The following KSR1 variants were observed in gnomAD, a reference collection of about 807,000 sequenced individuals.
KSR1 encodes the protein kinase suppressor of ras.
Under a neutral mutation model 92.9 loss-of-function variants are expected in KSR1, and 35 were observed. The observed-to-expected ratio is 0.38, with a 90% CI of 0.29 to 0.50. KSR1 has a LOEUF of 0.50. Among genes scored for constraint, KSR1 ranks in the 20% least tolerant of loss-of-function variants. The pLI, the probability that KSR1 is intolerant of heterozygous loss-of-function variation, is 0.94. For missense variants in KSR1, 972 were observed against 1,158.5 expected (o/e 0.84, Z 2.34); for synonymous variants, 467 against 472.6 (o/e 0.99, Z 0.15).
intron 2 of KSR1, among the ~76,000 whole-genome samples, chr17:27,571,587 G>A (rs1198785663): frequency 6.6e-6 from 1 of 152,200 alleles, no homozygotes; most frequent in Non-Finnish European, 1.5e-5. Flanking sequence ...ACCAGTTCCT[G>A]GGGAAAGGTC....
chr17:27,583,099 C>A lies in KSR1; in HGVS notation c.974C>A (p.Ser325Ter). The A allele has an allele frequency of 6.5e-7, 1 of 1,550,090 alleles. No homozygotes were observed. Among genetic ancestry groups the A allele is most frequent in the South Asian group, 1.2e-5 (1 of 80,746 alleles). Residue 325 changes from serine to a stop codon, truncating the protein, a stop_gained, in exon 4 of 21, where the codon TCG (serine) becomes TAG (stop). Transcript: ENST00000644974. LOFTEE classifies it high-confidence loss of function. The part of the protein sequence containing the change: ...QLGNRIDDVS[S>*]MRFDLSHGSP... ...GGGAACCGCATTGATGACGTCTCCT[C>A]GATGAGGTGAGTGCTCCTTCTGGGC...
At chr17:27,615,153 G>T (rs545268673) in intron 18 of KSR1, among the ~76,000 whole-genome samples, 1 of 152,324 alleles carries the variant, frequency 6.6e-6, no homozygotes, top group East Asian at 1.9e-4. Flanking sequence ...GGCATCACCT[G>T]GGTCTATCAG....
chr17:27,500,849 G>A (rs1295572473), intron 1 of KSR1, among the ~76,000 whole-genome samples: 1 of 152,194 alleles, frequency 6.6e-6, no homozygotes, highest in African/African-American at 2.4e-5. Context: ...GACTCTGCCA[G>A]GCCTTGCACC....
intron 5 of KSR1, chr17:27,587,612 C>G (rs2073016097): frequency 6.6e-6 from 1 of 152,260 alleles, no homozygotes; most frequent in African/African-American, 2.4e-5. Context: ...CCAGAGGGTT[C>G]CCGGACCCCC....
chr17:27,593,007 G>A (rs1315907578), intron 9 of KSR1, among the ~76,000 whole-genome samples: 4 of 152,144 alleles, frequency 2.6e-5, no homozygotes, highest in Non-Finnish European at 4.4e-5. Flanking sequence ...TGGTAGCCTC[G>A]GCAGCTGCCC....
intron 20 of KSR1, chr17:27,623,040 T>C: frequency 2.0e-6 from 1 of 508,584 alleles, no homozygotes; most frequent in Non-Finnish European, 3.5e-6. Flanking sequence ...AAACAATTCC[T>C]AGGAACCCAC....
At chr17:27,481,520 T>G (rs1007857241) in intron 1 of KSR1, among the ~76,000 whole-genome samples, 7 of 152,212 alleles carry the variant, frequency 4.6e-5, no homozygotes, top group African/African-American at 1.7e-4. Context: ...CTGTGGCCCT[T>G]CAATCACGAG....
At chr17:27,547,091 G>C (rs185471911) in intron 1 of KSR1, among the ~76,000 whole-genome samples, 2 of 152,212 alleles carry the variant, frequency 1.3e-5, no homozygotes, top group Admixed American at 6.5e-5. Context: ...GTCTGCACTT[G>C]CCACTGAGCC....
intron 1 of KSR1, among the ~76,000 whole-genome samples, chr17:27,513,768 C>CG (rs1319919003): frequency 2.6e-5 from 4 of 152,296 alleles, no homozygotes; most frequent in Non-Finnish European, 1.5e-5. Context: ...AGGCAGAATA[C>CG]GGGAGTTGCA....
At chr17:27,579,382 C>T (rs1372875986) in intron 3 of KSR1, 1 of 152,258 alleles carries the variant, frequency 6.6e-6, no homozygotes, top group African/African-American at 2.4e-5. Context: ...AGTTACTTCA[C>T]CTCACTCTGC....
chr17:27,464,675 C>CA (rs1421487272), intron 1 of KSR1, among the ~76,000 whole-genome samples: 2 of 149,760 alleles, frequency 1.3e-5, no homozygotes, highest in Admixed American at 1.3e-4. Context: ...CAGTGTACTC[C>CA]AGCCTGGGCC....
At chr17:27,499,613 G>C (rs981651662) in intron 1 of KSR1, among the ~76,000 whole-genome samples, 1 of 152,176 alleles carries the variant, frequency 6.6e-6, no homozygotes, top group Non-Finnish European at 1.5e-5. Context: ...GGTGTGCCAG[G>C]CTAGCCAGGC....
At chr17:27,525,976 C>T (rs1294341903) in intron 1 of KSR1, among the ~76,000 whole-genome samples, 4 of 91,724 alleles carry the variant, frequency 4.4e-5, no homozygotes, top group South Asian at 3.4e-4. Context: ...CAGATCTGTT[C>T]GGTAACTGCA....
chr17:27,605,715 C>T lies in KSR1; in HGVS notation c.1896C>T (p.Phe632=), dbSNP rs747811893. The T allele has an allele frequency of 6.2e-7, 1 of 1,612,832 alleles. No individual in the cohort carries two copies. The highest frequency in any genetic ancestry group is 1.3e-5 in the African/African-American group (1 of 74,940). The change falls in exon 14 of 21, where the codon TTC becomes TTT. Residue 632 remains phenylalanine (F), a synonymous_variant. Coordinates refer to ENST00000644974, the MANE Select transcript of KSR1 (RefSeq NM_001394583.1). ...DGHNQDHLKL[F]KKEVMNYRQT... ...ACAACCAGGACCACCTGAAGCTCTT[C>T]AAGAAAGAGGTGATGAACTACCGGC...
intron 1 of KSR1, among the ~76,000 whole-genome samples, chr17:27,463,991 C>T (rs1313326378): frequency 6.6e-6 from 1 of 152,112 alleles, no homozygotes; most frequent in Non-Finnish European, 1.5e-5. Context: ...GCCAGGAACC[C>T]CTGTTAAGCA....
At chr17:27,572,141 C>T (rs2072334035) in intron 2 of KSR1, among the ~76,000 whole-genome samples, 1 of 152,240 alleles carries the variant, frequency 6.6e-6, no homozygotes, top group Non-Finnish European at 1.5e-5. Flanking sequence ...GTGACCTCAG[C>T]ACTCAACTGG....
At chr17:27,611,830 A>G (rs2073926287) in intron 18 of KSR1, among the ~76,000 whole-genome samples, 1 of 151,974 alleles carries the variant, frequency 6.6e-6, no homozygotes, top group Non-Finnish European at 1.5e-5. Context: ...GAAAATATCT[A>G]TCCTCACCCC....
intron 1 of KSR1, among the ~76,000 whole-genome samples, chr17:27,504,689 C>T (rs964700623): frequency 1.3e-5 from 2 of 152,190 alleles, no homozygotes; most frequent in South Asian, 2.1e-4. Flanking sequence ...CCTGAGAGGA[C>T]ATCCCTGCCG....
Position 27,624,658 on chromosome 17 carries a change from T to G in KSR1, c.*1266T>G, listed in dbSNP as rs758797767. 1 of 152,146 alleles carries G rather than the reference T, an allele frequency of 6.6e-6. No homozygotes were observed. The highest frequency in any genetic ancestry group is 1.5e-5 in the Non-Finnish European group (1 of 68,036). 9.4% of individuals were successfully genotyped at this position (152,146 alleles called of 1,614,324 possible). The stretch of plus-strand genomic sequence containing the variant: ...AAGTTCCAGATGGCAAGGGAGCCCT[T>G]AAGTGGAGATTAGGTTGCATTAGAC... On this transcript the variant is annotated 3_prime_UTR_variant, in exon 21 of 21. Coordinates refer to ENST00000644974, the MANE Select transcript of KSR1 (RefSeq NM_001394583.1).
Sources: gnomAD v4.1 joint callset for allele counts (sites outside exome capture counted in the v4.1 genomes callset) on GRCh38, gnomAD v4.1.1 for gene constraint, MANE v1.5 for transcripts, NCBI Gene and HGNC (gene_info 2026-07-23, HGNC 2026-07-21) for gene names.